Variants in BBS9 observed in about 807,000 individuals in gnomAD.
The protein encoded by BBS9 is Bardet-Biedl syndrome 9.
Under a neutral mutation model 117.7 loss-of-function variants are expected in BBS9, and 89 were observed. The observed-to-expected ratio is 0.76, with a 90% confidence interval of 0.64 to 0.90. BBS9 has a LOEUF of 0.90. Among genes scored for constraint, BBS9 ranks in the 40% least tolerant of loss-of-function variants. BBS9 has a pLI of 0.00. For synonymous variants in BBS9, 379 were observed against 370.9 expected (o/e 1.02, Z -0.25); for missense variants, 982 against 1,042.2 (o/e 0.94, Z 0.80).
rs556773924 is a variant in BBS9, at chr7:33,526,758, A to G, written c.2299-7196A>G. Among the ~76,000 whole-genome samples, 150 of 151,670 alleles carry G rather than the reference A, an allele frequency of 9.9e-4. No homozygotes were observed. The South Asian group carries it at 0.013, about 13-fold the overall frequency. ...CTTCTTCTCTCAGCTCGTCAAAGTC[A>G]TTCTCCATCCAGCTTTGTTCCGTTG... is the stretch of plus-strand genomic sequence containing the variant. On this transcript the variant is annotated intron_variant, in intron 20 of 22. Transcript: ENST00000242067.
At position 33,321,577 on chromosome 7, in the gene BBS9, G is replaced by A. The variant is rs367681843; in HGVS notation, c.1017-14864G>A. The stretch of plus-strand genomic sequence containing the variant: ...CTACTGATTTTTGTATGTTGATTTT[G>A]TATCTTGCAAATTTACGGAATTTGT... On this transcript the variant is annotated intron_variant, in intron 9 of 22. Transcript: ENST00000242067. 1.6e-3 allele frequency among the ~76,000 whole-genome samples: 248 copies of A among 151,918 alleles called. 3 individuals carry two copies. The South Asian group carries it at 0.032, about 20-fold the overall frequency.
At chr7:33,142,348 C>T (rs745905273) in intron 1 of BBS9, among the ~76,000 whole-genome samples, 3 of 152,182 alleles carry the variant, frequency 2.0e-5, no homozygotes, top group Non-Finnish European at 2.9e-5. Flanking sequence ...CAATGGCTAA[C>T]ACTTATTGAG....
chr7:33,172,757 A>G (rs1205652920), intron 4 of BBS9, among the ~76,000 whole-genome samples: 3 of 152,066 alleles, frequency 2.0e-5, no homozygotes, highest in East Asian at 1.9e-4. Flanking sequence ...CTTAGGTACA[A>G]CAACAAAAAA....
At chr7:33,566,441 CAG>C (rs1856943953) in intron 21 of BBS9, among the ~76,000 whole-genome samples, 1 of 151,772 alleles carries the variant, frequency 6.6e-6, no homozygotes, top group Admixed American at 6.6e-5. Context: ...TCCTGAAAGA[CAG>C]AGAATTTTGG....
At chr7:33,343,950 A>G (rs1021385297) in intron 11 of BBS9, among the ~76,000 whole-genome samples, 1 of 152,204 alleles carries the variant, frequency 6.6e-6, no homozygotes, top group Non-Finnish European at 1.5e-5. Context: ...TGGGACATAC[A>G]GGGAGGTCTT....
chr7:33,592,297 A>G lies in BBS9; in HGVS notation c.2522-12568A>G, dbSNP rs144714367. The stretch of plus-strand genomic sequence containing the variant: ...AGCCCCATTACAAGCATCTAATTTA[A>G]TCCTAATCTCTCAGAAAGCACATGC... On this transcript the variant is annotated intron_variant, in intron 21 of 22. Transcript: ENST00000242067. Among the ~76,000 whole-genome samples the G allele has an allele frequency of 5.9e-3, 890 of 152,136 alleles. 8 individuals carry two copies. The highest frequency in any genetic ancestry group is 0.02 in the Middle Eastern group (6 of 294).
At chr7:33,214,857 G>C (rs962487092) in intron 5 of BBS9, among the ~76,000 whole-genome samples, 2 of 152,096 alleles carry the variant, frequency 1.3e-5, no homozygotes, top group Non-Finnish European at 2.9e-5. Flanking sequence ...AATTTATATG[G>C]AACTACAAAA....
intron 7 of BBS9, among the ~76,000 whole-genome samples, chr7:33,270,885 A>G (rs1469410454): frequency 6.6e-6 from 1 of 152,174 alleles, no homozygotes; most frequent in African/African-American, 2.4e-5. Context: ...CTATACAAAA[A>G]GATCATCCCC....
intron 21 of BBS9, among the ~76,000 whole-genome samples, chr7:33,621,224 T>C (rs1865388425): frequency 6.6e-6 from 1 of 152,130 alleles, no homozygotes; most frequent in African/African-American, 2.4e-5. Context: ...TTAAAAGCTC[T>C]GCACAGCAAA....
At chr7:33,236,951 G>T (rs1297477763) in intron 5 of BBS9, among the ~76,000 whole-genome samples, 5 of 152,032 alleles carry the variant, frequency 3.3e-5, no homozygotes, top group African/African-American at 4.8e-5. Context: ...TTTTACACAT[G>T]CATACACATT....
At chr7:33,386,452 TTTCA>T (rs1334084971) in intron 18 of BBS9, among the ~76,000 whole-genome samples, 2 of 142,538 alleles carry the variant, frequency 1.4e-5, no homozygotes, top group Non-Finnish European at 1.5e-5. Context: ...ACTAGCTTGC[TTTCA>T]TTTATTTATT....
At chr7:33,181,495 T>C (rs566413252) in intron 5 of BBS9, among the ~76,000 whole-genome samples, 20 of 152,356 alleles carry the variant, frequency 1.3e-4, no homozygotes, top group Non-Finnish European at 2.2e-4. Flanking sequence ...CAACCAATTC[T>C]TAATAAAACC....
At chr7:33,540,104 T>A (rs764882057) in intron 21 of BBS9, among the ~76,000 whole-genome samples, 1 of 152,212 alleles carries the variant, frequency 6.6e-6, no homozygotes, top group Non-Finnish European at 1.5e-5. Flanking sequence ...CCCTCAATTA[T>A]ATATGTAAAA....
At chr7:33,587,412 A>C (rs1282802011) in intron 21 of BBS9, among the ~76,000 whole-genome samples, 1 of 151,994 alleles carries the variant, frequency 6.6e-6, no homozygotes, top group Non-Finnish European at 1.5e-5. Context: ...TTTCTGTTTC[A>C]GTTGATCTTT....
rs1248448566 is a variant in BBS9 at position 33,373,387 on chromosome 7, A to G, written c.1789+5525A>G. Among the ~76,000 whole-genome samples, 3 of 152,298 alleles carry G rather than the reference A, an allele frequency of 2.0e-5. No homozygotes were observed. The East Asian group carries it at 5.8e-4, about 29-fold the overall frequency. On this transcript the variant is annotated intron_variant, in intron 17 of 22. Transcript: ENST00000242067. ...TTGCTAAGTTGATAATCTGCAAAGAATGCTGAATAGACACATACTCTCAGT... is the reference window on the plus strand; with the variant it reads ...TTGCTAAGTTGATAATCTGCAAAGAGTGCTGAATAGACACATACTCTCAGT...
intron 5 of BBS9, among the ~76,000 whole-genome samples, chr7:33,189,883 TA>T (rs372582478): frequency 0.15 from 19,641 of 127,098 alleles, 1,537 homozygotes; most frequent in Non-Finnish European, 0.19. Context: ...GACTCTGTCT[TA>T]AAAAAAAAAA....
intron 4 of BBS9, among the ~76,000 whole-genome samples, chr7:33,167,732 A>G (rs1031177323): frequency 2.0e-5 from 3 of 152,122 alleles, no homozygotes; most frequent in Admixed American, 1.3e-4. Context: ...CATCCAAATT[A>G]TATGATCCTA....
intron 20 of BBS9, among the ~76,000 whole-genome samples, chr7:33,513,027 T>A (rs1294094508): frequency 1.3e-5 from 2 of 152,244 alleles, no homozygotes; most frequent in Non-Finnish European, 2.9e-5. Flanking sequence ...CATGGCTCTT[T>A]TGGCCCCTGT....
At chr7:33,570,680 A>G (rs928826708) in intron 21 of BBS9, among the ~76,000 whole-genome samples, 1 of 152,214 alleles carries the variant, frequency 6.6e-6, no homozygotes, top group Non-Finnish European at 1.5e-5. Flanking sequence ...CCTAGTAGAC[A>G]TCACCTTAAC....
Sources: gnomAD v4.1 joint callset for allele counts (sites outside exome capture counted in the v4.1 genomes callset) on GRCh38, gnomAD v4.1.1 for gene constraint, MANE v1.5 for transcripts, NCBI Gene and HGNC (gene_info 2026-07-23, HGNC 2026-07-21) for gene names.